Variants in TMEM184B observed in about 807,000 individuals in gnomAD.
TMEM184B encodes transmembrane protein 184B.
A neutral mutation model predicts 41.8 loss-of-function variants in TMEM184B; 17 were observed. The observed-to-expected ratio is 0.41, with a 90% CI of 0.28 to 0.61. The LOEUF (loss-of-function observed/expected upper bound fraction) is 0.61. TMEM184B is among the 20% of genes least tolerant of loss of function. TMEM184B has a pLI of 0.34. For missense variants in TMEM184B, 393 were observed against 557.8 expected, an observed-to-expected ratio of 0.70 and a Z score of 2.98; for synonymous variants, 240 against 229.5, an observed-to-expected ratio of 1.05 and a Z score of -0.41.
chr22:38,250,200 G>A (rs955178195), intron 1 of TMEM184B, among the ~76,000 whole-genome samples: 8 of 152,232 alleles, frequency 5.3e-5, no homozygotes, highest in African/African-American at 1.7e-4. Context: ...GCCTGGCCCC[G>A]CGATGCAGAG....
Position 38,220,864 on chromosome 22 carries a change from TG to T in TMEM184B, c.*604del. 1.0e-6 allele frequency: 1 copy of T among 986,144 alleles called. No homozygotes were observed. The highest frequency in any genetic ancestry group is 1.2e-6 in the Non-Finnish European group (1 of 830,134). The allele number at this position is 986,144 out of a possible 1,614,324, so 61.1% of individuals were successfully genotyped here. A position where few individuals can be genotyped will look rare whatever the true frequency, so the allele number is the denominator to read the frequency against. ...GCCCAGGGGCCCTGAATGCCCTTCC[TG>T]GGTGGGGCCTGTGACTCCTGGTGTC... On this transcript the variant is annotated 3_prime_UTR_variant, in exon 9 of 9. Coordinates refer to ENST00000361906, the MANE Select transcript of TMEM184B (RefSeq NM_012264.5).
chr22:38,217,621 G>A (rs1465525332), downstream of TMEM184B, among the ~76,000 whole-genome samples: 2 of 151,158 alleles, frequency 1.3e-5, no homozygotes, highest in African/African-American at 4.9e-5. Flanking sequence ...CAGCCTGGGC[G>A]ACAGAGTGAG....
intron 8 of TMEM184B, 68 bp downstream of exon 8, chr22:38,224,717 G>A: frequency 6.9e-7 from 1 of 1,452,952 alleles, no homozygotes; most frequent in Admixed American, 2.3e-5. Context: ...TGGGAGGTGG[G>A]AGGGTCCTGG....
intron 3 of TMEM184B, among the ~76,000 whole-genome samples, chr22:38,245,479 G>C (rs35337152): frequency 7.0e-6 from 1 of 142,722 alleles, no homozygotes; most frequent in East Asian, 2.1e-4. Context: ...GAGACCCAGG[G>C]GGAGGGCCCT....
At chr22:38,270,180 C>G (rs73154459) in intron 1 of TMEM184B, among the ~76,000 whole-genome samples, 14,912 of 152,234 alleles carry the variant, frequency 0.098, 870 homozygotes, top group South Asian at 0.24. Flanking sequence ...CTACCTGGAA[C>G]GCCCTCCTTC....
intron 3 of TMEM184B, among the ~76,000 whole-genome samples, chr22:38,237,958 G>A (rs1029830526): frequency 2.0e-5 from 3 of 151,146 alleles, no homozygotes; most frequent in Admixed American, 6.6e-5. Flanking sequence ...TGCGCCACAC[G>A]CCTGGCTAAT....
At chr22:38,265,723 A>C (rs1462542178) in intron 1 of TMEM184B, among the ~76,000 whole-genome samples, 1 of 152,204 alleles carries the variant, frequency 6.6e-6, no homozygotes, top group Non-Finnish European at 1.5e-5. Context: ...ACCCTTCACC[A>C]ACATCTATCA....
At chr22:38,231,685 C>A in intron 3 of TMEM184B, 1 of 445,770 alleles carries the variant, frequency 2.2e-6, no homozygotes, top group Non-Finnish European at 4.2e-6. Context: ...GCAGTGTCGA[C>A]CCTGGGGCGA....
At chr22:38,266,585 T>C (rs193220803) in intron 1 of TMEM184B, among the ~76,000 whole-genome samples, 86 of 152,368 alleles carry the variant, frequency 5.6e-4, no homozygotes, top group African/African-American at 2.0e-3. Context: ...GTTTTAGAAC[T>C]TCTCTGATTC....
At chr22:38,238,262 C>G (rs1436159746) in intron 3 of TMEM184B, among the ~76,000 whole-genome samples, 2 of 145,794 alleles carry the variant, frequency 1.4e-5, no homozygotes, top group African/African-American at 5.1e-5. Context: ...GAGTCTCTCG[C>G]TGTCGCAGGC....
chr22:38,240,733 A>C (rs1262416747), intron 3 of TMEM184B, among the ~76,000 whole-genome samples: 1 of 75,062 alleles, frequency 1.3e-5, no homozygotes, highest in Non-Finnish European at 2.7e-5. Flanking sequence ...AAAAAAAGGC[A>C]AAAAAAAAAA....
At chr22:38,230,601 G>A (rs2091586190) in intron 5 of TMEM184B, 68 bp downstream of exon 5, 2 of 1,529,440 alleles carry the variant, frequency 1.3e-6, no homozygotes, top group South Asian at 1.2e-5. Context: ...GCCCAGGGCA[G>A]CCCACGGCAG....
At chr22:38,227,142 G>A (rs1316900314) in intron 5 of TMEM184B, among the ~76,000 whole-genome samples, 1 of 152,068 alleles carries the variant, frequency 6.6e-6, no homozygotes, top group African/African-American at 2.4e-5. Flanking sequence ...ACATATAGGA[G>A]ATGCAGCCAG....
At chr22:38,248,774 C>G (rs1378802936) in intron 1 of TMEM184B, among the ~76,000 whole-genome samples, 1 of 152,220 alleles carries the variant, frequency 6.6e-6, no homozygotes, top group East Asian at 1.9e-4. Flanking sequence ...TCGGGAGCTT[C>G]CTGGTGGGCC....
rs1272758910 is a variant in TMEM184B, at chr22:38,220,599, AAG to A, written c.*868_*869del. On this transcript the variant is annotated 3_prime_UTR_variant, in exon 9 of 9. Coordinates refer to ENST00000361906, the MANE Select transcript of TMEM184B (RefSeq NM_012264.5). ...CCTGAAACGGGAGGGAGAAGCCCCAAAGAGAGAGAGGACCCAGCATCAGCCTG... is the reference window on the plus strand; with the variant it reads ...CCTGAAACGGGAGGGAGAAGCCCCAAAGAGAGAGGACCCAGCATCAGCCTG... 6.1e-6 allele frequency: 6 copies of A among 986,026 alleles called. No individual in the cohort carries two copies. In the African/African-American group the frequency reaches 8.7e-5, roughly 14 times the overall value. 61.1% of individuals were successfully genotyped at this position (986,026 alleles called of 1,614,324 possible). A position where few individuals can be genotyped will look rare whatever the true frequency, so the allele number is the denominator to read the frequency against.
rs553642096 is a variant in TMEM184B at position 38,233,773 on chromosome 22, G to GT, written c.359-2440dup. On this transcript the variant is annotated intron_variant, in intron 3 of 8. Coordinates refer to ENST00000361906, the MANE Select transcript of TMEM184B (RefSeq NM_012264.5). ...TTTTTTTTTGTTGTTTTTGTTTTTT[G>GT]TTTTTGCTTTTTTTGAGACAGAGTC... Among the ~76,000 whole-genome samples the GT allele has an allele frequency of 3.2e-3, 491 of 151,960 alleles. 2 individuals carry two copies. The highest frequency in any genetic ancestry group is 0.012 in the African/African-American group (477 of 41,430).
chr22:38,258,151 T>C (rs568625745), intron 1 of TMEM184B, among the ~76,000 whole-genome samples: 1 of 152,240 alleles, frequency 6.6e-6, no homozygotes. Context: ...GGGAACTGAG[T>C]TGGAACCTCA....
At chr22:38,257,297 T>C (rs1377062832) in intron 1 of TMEM184B, among the ~76,000 whole-genome samples, 1 of 152,202 alleles carries the variant, frequency 6.6e-6, no homozygotes, top group East Asian at 1.9e-4. Flanking sequence ...TAAAATACCT[T>C]CCATTTCGTT....
At chr22:38,264,060 C>T (rs558461941) in intron 1 of TMEM184B, among the ~76,000 whole-genome samples, 16 of 152,366 alleles carry the variant, frequency 1.1e-4, no homozygotes, top group African/African-American at 3.6e-4. Flanking sequence ...CCACCTCGGC[C>T]TCCCAAAGTG....
Sources: allele counts gnomAD v4.1 joint callset (sites outside exome capture counted in the v4.1 genomes callset), GRCh38; gene constraint gnomAD v4.1.1; transcripts MANE v1.5; gene names NCBI Gene and HGNC (gene_info 2026-07-23, HGNC 2026-07-21).